The following COG1 variants were observed in gnomAD, a reference collection of about 807,000 sequenced individuals.
COG1 encodes the protein component of oligomeric golgi complex 1.
Under a neutral mutation model 102.2 loss-of-function variants are expected in COG1, and 61 were observed. That is an observed-to-expected ratio of 0.60 (90% CI 0.49 to 0.74). The LOEUF (loss-of-function observed/expected upper bound fraction) is 0.74. Among genes scored for constraint, COG1 ranks in the 30% least tolerant of loss-of-function variants. The pLI is 0.00. For synonymous variants in COG1, 454 were observed against 493.6 expected, an observed-to-expected ratio of 0.92 and a Z score of 1.06; for missense variants, 1,164 against 1,232.1, an observed-to-expected ratio of 0.94 and a Z score of 0.83.
intron 1 of COG1, among the ~76,000 whole-genome samples, chr17:73,193,984 CCTTTT>C (rs1393525220): frequency 1.3e-5 from 2 of 151,842 alleles, no homozygotes; most frequent in Non-Finnish European, 2.9e-5. Flanking sequence ...CAAGCCCTTA[CCTTTT>C]AATAGCTGAA....
rs1382677421 is a variant in COG1 at position 73,208,316 on chromosome 17, T to C, written c.2808T>C (p.Val936=). 1.9e-6 allele frequency: 3 copies of C among 1,613,520 alleles called. No individual in the cohort carries two copies. Among genetic ancestry groups the C allele is most frequent in the Non-Finnish European group, 2.5e-6 (3 of 1,180,006 alleles). The change falls in exon 14 of 14, where the codon GTT becomes GTC. Residue 936 remains valine, a splice_region_variant and synonymous_variant. Transcript: ENST00000299886. The part of the protein sequence containing the change: ...STRNIETKAQ[V]VPPARSTAGD... ...CTTTTCTCTACATCCAATGGCAGGT[T>C]GTCCCCCCGGCACGCTCCACAGCTG...
In COG1 at chr17:73,200,508, A is replaced by T; in HGVS notation, c.1071-58A>T. The stretch of plus-strand genomic sequence containing the variant: ...CAAATGGGATTCTGATGTTTTTCTT[A>T]ATAAAGATGTGAACACCATGCCTCT... On this transcript the variant is annotated intron_variant, in intron 5 of 13. Transcript: ENST00000299886. 4 of 1,399,742 alleles carry T rather than the reference A, an allele frequency of 2.9e-6. No individual in the cohort carries two copies. In the Admixed American group the frequency reaches 6.7e-5, roughly 23 times the overall value. The allele number at this position is 1,399,742 out of a possible 1,614,324, so 86.7% of individuals were successfully genotyped here.
At chr17:73,200,979 G>A (rs962850398) in intron 6 of COG1, 130 bp from the exon 7 acceptor site, 2 of 970,282 alleles carry the variant, frequency 2.1e-6, no homozygotes, top group Non-Finnish European at 3.2e-6. Flanking sequence ...TTTATTCTCT[G>A]CCAACACCAT....
intron 4 of COG1, 52 bp downstream of exon 4, chr17:73,197,448 G>A (rs1190285235): frequency 6.3e-7 from 1 of 1,598,410 alleles, no homozygotes; most frequent in Non-Finnish European, 8.5e-7. Context: ...CTGATAATTT[G>A]CTCAGCGTCT....
intron 10 of COG1, 27 bp downstream of exon 10, chr17:73,205,707 C>G: frequency 2.5e-6 from 4 of 1,612,754 alleles, no homozygotes; most frequent in Non-Finnish European, 3.4e-6. Flanking sequence ...GGAGCTATGT[C>G]AAGGCGGTCT....
chr17:73,198,389 A>G (rs2061333729), intron 4 of COG1, among the ~76,000 whole-genome samples: 1 of 152,100 alleles, frequency 6.6e-6, no homozygotes, highest in South Asian at 2.1e-4. Flanking sequence ...GGAGTTTGAG[A>G]TCAGCCTGGG....
chr17:73,207,816 G>C, intron 13 of COG1: 1 of 1,282,376 alleles, frequency 7.8e-7, no homozygotes, highest in Non-Finnish European at 1.0e-6. Flanking sequence ...CGAGTTGTTT[G>C]CTTTATTGTT....
chr17:73,200,303 G>GT (rs1212843263), intron 5 of COG1, among the ~76,000 whole-genome samples: 2 of 152,144 alleles, frequency 1.3e-5, no homozygotes, highest in African/African-American at 4.8e-5. Context: ...TTAATGCATT[G>GT]TTTTTTTAAG....
chr17:73,206,333 C>A, intron 11 of COG1, 71 bp downstream of exon 11: 1 of 1,188,132 alleles, frequency 8.4e-7, no homozygotes, highest in Non-Finnish European at 1.3e-6. Flanking sequence ...TTAACCTGCT[C>A]AAGCACGTAA....
chr17:73,207,901 G>T, intron 13 of COG1: 1 of 1,180,118 alleles, frequency 8.5e-7, no homozygotes, highest in Non-Finnish European at 1.1e-6. Context: ...TCCTTGTCAA[G>T]TATCTGGCTT....
chr17:73,208,455 G>A lies in COG1; in HGVS notation c.*4G>A. On this transcript the variant is annotated 3_prime_UTR_variant, in exon 14 of 14. Coordinates refer to ENST00000299886, the MANE Select transcript of COG1 (RefSeq NM_018714.3). ...GCTCTCTAGTATGACTAAGTAACAT[G>A]GCAACACATCTGTCTCTCCCTAAAT... The A allele has an allele frequency of 6.2e-7, 1 of 1,613,918 alleles. No individual in the cohort carries two copies. Among genetic ancestry groups the A allele is most frequent in the South Asian group, 1.1e-5 (1 of 91,080 alleles).
intron 13 of COG1, 53 bp downstream of exon 13, chr17:73,207,309 G>A (rs984742585): frequency 1.1e-5 from 16 of 1,500,940 alleles, no homozygotes; most frequent in African/African-American, 4.1e-5. Flanking sequence ...ACCTCCCACC[G>A]AGCCACCCAT....
At chr17:73,198,029 G>A (rs914120883) in intron 4 of COG1, among the ~76,000 whole-genome samples, 1 of 150,048 alleles carries the variant, frequency 6.7e-6, no homozygotes, top group East Asian at 2.0e-4. Context: ...AGCATTTATC[G>A]CAACTGAAAT....
In COG1 at chr17:73,202,853, T is replaced by C. The variant is rs2061352712; in HGVS notation, c.2074-147T>C. On this transcript the variant is annotated intron_variant, in intron 7 of 13. Coordinates refer to ENST00000299886, the MANE Select transcript of COG1 (RefSeq NM_018714.3). Reference sequence around the variant, plus strand: ...AACAAAATTCCCATGGCTGATATCATTGATAATTAGCCAAAAGAGGACTGA... The same window carrying C: ...AACAAAATTCCCATGGCTGATATCACTGATAATTAGCCAAAAGAGGACTGA... 6 of 844,886 alleles carry C rather than the reference T, an allele frequency of 7.1e-6. No individual in the cohort carries two copies. The East Asian group carries it at 9.9e-5, about 14-fold the overall frequency. 52.3% of individuals were successfully genotyped at this position (844,886 alleles called of 1,614,324 possible).
At chr17:73,207,510 G>A (rs1051090307) in intron 13 of COG1, 2 of 607,302 alleles carry the variant, frequency 3.3e-6, no homozygotes, top group Non-Finnish European at 2.9e-6. Flanking sequence ...ACAGGGTGGA[G>A]ATGAGCTCTT....
chr17:73,203,992 TCAG>T (rs911151677), intron 9 of COG1, among the ~76,000 whole-genome samples, 199 bp downstream of exon 9: 3 of 152,056 alleles, frequency 2.0e-5, no homozygotes, highest in African/African-American at 7.2e-5. Context: ...TTCTAAAGGG[TCAG>T]CAGATCTTCG....
chr17:73,203,921 G>A, intron 9 of COG1, 128 bp downstream of exon 9: 1 of 1,066,674 alleles, frequency 9.4e-7, no homozygotes, highest in East Asian at 2.5e-5. Context: ...CAGGCATCGG[G>A]TCCTGTAAAA....
chr17:73,207,570 A>G, intron 13 of COG1: 1 of 718,352 alleles, frequency 1.4e-6, no homozygotes, highest in Non-Finnish European at 2.2e-6. Context: ...CTATCATTGT[A>G]CTTGTTTGGA....
At chr17:73,201,075 C>T (rs778207262) in intron 6 of COG1, 34 bp from the exon 7 acceptor site, 1 of 1,588,316 alleles carries the variant, frequency 6.3e-7, no homozygotes, top group South Asian at 1.1e-5. Context: ...CTTAAAGGAA[C>T]TGTGATTAGA....
Sources: allele counts gnomAD v4.1 joint callset (sites outside exome capture counted in the v4.1 genomes callset), GRCh38; gene constraint gnomAD v4.1.1; transcripts MANE v1.5; gene names NCBI Gene and HGNC (gene_info 2026-07-23, HGNC 2026-07-21).